The following FAR2 variants were observed in gnomAD, a reference collection of about 807,000 sequenced individuals.
FAR2 encodes the protein epididymis secretory protein Li 81.
Under a neutral mutation model 56.0 loss-of-function variants are expected in FAR2, and 19 were observed. The observed-to-expected ratio is 0.34, with a 90% CI of 0.24 to 0.50. The LOEUF (loss-of-function observed/expected upper bound fraction) is 0.50, where lower values mean the gene tolerates loss of function less well. FAR2 is among the 20% of genes least tolerant of loss of function. The probability of loss-of-function intolerance (pLI) is 0.98; values close to 1 mark genes in which losing one functional copy is unlikely to be tolerated. For synonymous variants in FAR2, 219 were observed against 218.8 expected, an observed-to-expected ratio of 1.00 and a Z score of -0.01; for missense variants, 508 against 642.2, an observed-to-expected ratio of 0.79 and a Z score of 2.26.
Position 29,297,181 on chromosome 12 carries a change from A to G in FAR2, c.526A>G (p.Lys176Glu). 1.2e-6 allele frequency: 2 copies of G among 1,611,876 alleles called. No individual in the cohort carries two copies. The highest frequency in any genetic ancestry group is 1.7e-6 in the Non-Finnish European group (2 of 1,179,342). The change falls in exon 4 of 12, where the codon AAA becomes GAA. Residue 176 changes from lysine (K) to glutamate (E), a missense_variant. Transcript: ENST00000536681. Reference protein sequence around the residue: ...VIYPCPVEPKKIIDSLEWLDD... With the variant: ...VIYPCPVEPKEIIDSLEWLDD... Reference sequence around the variant, plus strand: ...CTATCCGTGCCCTGTGGAGCCAAAAAAAATCATTGATTCCCTTGAGTAAGT... The same window carrying G: ...CTATCCGTGCCCTGTGGAGCCAAAAGAAATCATTGATTCCCTTGAGTAAGT...
intron 1 of FAR2, among the ~76,000 whole-genome samples, chr12:29,174,594 G>T (rs1320988842): frequency 1.3e-5 from 2 of 151,552 alleles, no homozygotes; most frequent in Admixed American, 1.3e-4. Flanking sequence ...CTAATTTTTT[G>T]TATTTTTAGT....
chr12:29,326,046 G>C (rs868311699), intron 10 of FAR2, among the ~76,000 whole-genome samples: 1 of 151,728 alleles, frequency 6.6e-6, no homozygotes, highest in Non-Finnish European at 1.5e-5. Context: ...TCAAATAGAC[G>C]CAATAAAAAA....
At chr12:29,264,124 A>G (rs777612616) in intron 1 of FAR2, among the ~76,000 whole-genome samples, 1 of 152,184 alleles carries the variant, frequency 6.6e-6, no homozygotes, top group Non-Finnish European at 1.5e-5. Flanking sequence ...ATCATTCACC[A>G]TGATCACATG....
chr12:29,164,989 TTATAA>T (rs1429935426), intron 1 of FAR2, among the ~76,000 whole-genome samples: 4 of 152,204 alleles, frequency 2.6e-5, no homozygotes, highest in Non-Finnish European at 1.5e-5. Context: ...TACTGTTGGT[TTATAA>T]TATATGTTCC....
chr12:29,326,177 A>T (rs967705121), intron 10 of FAR2, among the ~76,000 whole-genome samples: 3 of 152,192 alleles, frequency 2.0e-5, no homozygotes, highest in Non-Finnish European at 2.9e-5. Context: ...TCCTCGACAC[A>T]TACACCCTCC....
At chr12:29,273,487 C>A (rs2136711423) in intron 2 of FAR2, among the ~76,000 whole-genome samples, 1 of 152,322 alleles carries the variant, frequency 6.6e-6, no homozygotes, top group Non-Finnish European at 1.5e-5. Flanking sequence ...AGTCTTGGGA[C>A]CAAGCCATCC....
At chr12:29,242,386 A>T (rs1308704351) in intron 1 of FAR2, among the ~76,000 whole-genome samples, 3 of 152,176 alleles carry the variant, frequency 2.0e-5, no homozygotes, top group African/African-American at 4.8e-5. Flanking sequence ...GTTATGTTGA[A>T]ATGCTTTCAA....
At chr12:29,289,769 G>A (rs1948934702) in intron 2 of FAR2, among the ~76,000 whole-genome samples, 1 of 152,102 alleles carries the variant, frequency 6.6e-6, no homozygotes, top group Non-Finnish European at 1.5e-5. Flanking sequence ...CAGAATGGGG[G>A]AAAATATTTG....
chr12:29,325,824 C>T (rs1373852416), intron 10 of FAR2, among the ~76,000 whole-genome samples: 1 of 152,106 alleles, frequency 6.6e-6, no homozygotes, highest in African/African-American at 2.4e-5. Context: ...GACACCCTAA[C>T]ATCACAATTA....
chr12:29,225,121 A>T (rs909991553), intron 1 of FAR2, among the ~76,000 whole-genome samples: 8 of 152,112 alleles, frequency 5.3e-5, no homozygotes, highest in Admixed American at 5.2e-4. Flanking sequence ...TCGTAGTCCT[A>T]GCTACTTGGG....
At chr12:29,252,798 A>G (rs1948234484) in intron 1 of FAR2, among the ~76,000 whole-genome samples, 1 of 152,216 alleles carries the variant, frequency 6.6e-6, no homozygotes, top group South Asian at 2.1e-4. Flanking sequence ...CCAAGTTGAC[A>G]CGGGGTGGAC....
chr12:29,325,298 A>ATGG (rs1336175341), intron 10 of FAR2, among the ~76,000 whole-genome samples: 3 of 152,174 alleles, frequency 2.0e-5, no homozygotes, highest in Admixed American at 6.5e-5. Flanking sequence ...TACAATAATA[A>ATGG]TGGGGGACTT....
At chr12:29,244,922 C>A (rs1005740493) in intron 1 of FAR2, among the ~76,000 whole-genome samples, 25 of 151,904 alleles carry the variant, frequency 1.6e-4, no homozygotes, top group Non-Finnish European at 8.8e-5. Context: ...GTGTTTCTAC[C>A]ACCCATCCCT....
At chr12:29,218,786 G>A (rs1947652197) in intron 1 of FAR2, among the ~76,000 whole-genome samples, 1 of 152,146 alleles carries the variant, frequency 6.6e-6, no homozygotes, top group East Asian at 1.9e-4. Context: ...AAAGCACAGT[G>A]AGCATAACGG....
At chr12:29,217,412 T>C (rs1947635548) in intron 1 of FAR2, among the ~76,000 whole-genome samples, 1 of 152,210 alleles carries the variant, frequency 6.6e-6, no homozygotes, top group Non-Finnish European at 1.5e-5. Context: ...CTGCTGATTG[T>C]CCCCATGGGA....
At chr12:29,204,015 A>AAG (rs1408712677) in intron 1 of FAR2, among the ~76,000 whole-genome samples, 4 of 149,454 alleles carry the variant, frequency 2.7e-5, no homozygotes, top group African/African-American at 4.9e-5. Flanking sequence ...AAAAAAAAAA[A>AAG]AAAAAAAAGA....
intron 1 of FAR2, among the ~76,000 whole-genome samples, chr12:29,211,528 T>C (rs940008044): frequency 6.6e-6 from 1 of 152,188 alleles, no homozygotes; most frequent in Non-Finnish European, 1.5e-5. Context: ...AGTGCATGTC[T>C]AGTAACTGGT....
At chr12:29,253,242 T>G (rs200109824) in intron 1 of FAR2, among the ~76,000 whole-genome samples, 2,840 of 69,382 alleles carry the variant, frequency 0.041, 16 homozygotes, top group East Asian at 0.096. Flanking sequence ...GATAGATATC[T>G]ATATATCGAT....
At chr12:29,278,072 C>G (rs1223978932) in intron 2 of FAR2, among the ~76,000 whole-genome samples, 2 of 150,774 alleles carry the variant, frequency 1.3e-5, no homozygotes, top group African/African-American at 2.4e-5. Flanking sequence ...GCTGGGAATA[C>G]AGGCACACAC....
Sources: gnomAD v4.1 joint callset for allele counts (sites outside exome capture counted in the v4.1 genomes callset) on GRCh38, gnomAD v4.1.1 for gene constraint, MANE v1.5 for transcripts, NCBI Gene and HGNC (gene_info 2026-07-23, HGNC 2026-07-21) for gene names.